The following DLEC1 variants were observed in gnomAD, a reference collection of about 807,000 sequenced individuals.
DLEC1 encodes DLEC1 cilia and flagella associated protein, also known as deleted in lung and esophageal cancer protein 1.
A neutral mutation model predicts 198.1 loss-of-function variants in DLEC1; 146 were observed. That is an observed-to-expected ratio of 0.74 (90% CI 0.64 to 0.85). The LOEUF (loss-of-function observed/expected upper bound fraction) is 0.85, where lower values mean the gene tolerates loss of function less well. Ranked by LOEUF, DLEC1 falls within the 40% of genes least tolerant of loss-of-function variation. DLEC1 has a pLI of 0.00. For missense variants in DLEC1, 2,233 were observed against 2,220.0 expected, an observed-to-expected ratio of 1.01 and a Z score of -0.12; for synonymous variants, 897 against 866.8, an observed-to-expected ratio of 1.03 and a Z score of -0.61.
intron 10 of DLEC1, among the ~76,000 whole-genome samples, chr3:38,092,424 C>T (rs569545004): frequency 1.3e-5 from 2 of 152,300 alleles, no homozygotes; most frequent in African/African-American, 2.4e-5. Flanking sequence ...CAAATCATTG[C>T]ATTTATGACA....
rs1700191926 is a variant in DLEC1, at chr3:38,116,789, G to C, written c.4079G>C (p.Ser1360Thr). The C allele has an allele frequency of 6.2e-7, 1 of 1,612,986 alleles. No individual in the cohort carries two copies. The highest frequency in any genetic ancestry group is 1.3e-5 in the African/African-American group (1 of 74,918). The change falls in exon 29 of 37, where the codon AGT becomes ACT. Residue 1360 changes from serine (S) to threonine (T), a missense_variant. Physicochemically the swap from Ser to Thr is moderately conservative, Grantham distance 58. Transcript: ENST00000308059. ...TGGTGACAGGTTGAGGGCAGCTCCA[G>C]TGCCAGCAATAGGGTGGCACAGAAG... ...ETDSSVEGSS[S>T]ASNRVAQKLI...
intron 16 of DLEC1, 82 bp downstream of exon 16, chr3:38,097,357 C>T: frequency 6.5e-7 from 1 of 1,536,954 alleles, no homozygotes; most frequent in Non-Finnish European, 8.8e-7. Flanking sequence ...GGGGCTTATG[C>T]AGGGCTCTTG....
chr3:38,063,488 A>G (rs374969309), intron 5 of DLEC1, among the ~76,000 whole-genome samples: 47 of 152,276 alleles, frequency 3.1e-4, no homozygotes, highest in African/African-American at 1.1e-3. Flanking sequence ...AGAAGAGAAG[A>G]GAGGAGGAGA....
intron 33 of DLEC1, among the ~76,000 whole-genome samples, chr3:38,118,554 G>A (rs1700303696): frequency 6.6e-6 from 1 of 152,220 alleles, no homozygotes; most frequent in Non-Finnish European, 1.5e-5. Context: ...TCTTGGGAAT[G>A]TCAGGACCTC....
rs757634743 is a variant in DLEC1 at position 38,062,643 on chromosome 3, A to C, written c.936A>C (p.Leu312=). ...MNHLRVPQRE[L]DRLLLARMES... ...ACTTACGTGTGCCACAGAGAGAGCT[A>C]GACAGACTTCTGCTTGCCAGAATGG... Residue 312 remains leucine (L), a synonymous_variant, in exon 5 of 37, where the codon CTA becomes CTC. Transcript: ENST00000308059. 1 of 1,614,198 alleles carries C rather than the reference A, an allele frequency of 6.2e-7. No homozygotes were observed. Among genetic ancestry groups the C allele is most frequent in the Non-Finnish European group, 8.5e-7 (1 of 1,180,036 alleles).
At chr3:38,049,153 T>C (rs1439498231) in intron 2 of DLEC1, among the ~76,000 whole-genome samples, 2 of 152,164 alleles carry the variant, frequency 1.3e-5, no homozygotes, top group African/African-American at 4.8e-5. Flanking sequence ...TCAATGACTT[T>C]CATTTTATTT....
Position 38,054,278 on chromosome 3 carries a change from C to T in DLEC1, c.563-5464C>T, listed in dbSNP as rs946109299. On this transcript the variant is annotated intron_variant, in intron 2 of 36. Transcript: ENST00000308059. Reference sequence around the variant, plus strand: ...TTGAAGTTTGTGTTGGTGGCAGCTGCGTGATCTGGAAAAGCTCACACTGAG... The same window carrying T: ...TTGAAGTTTGTGTTGGTGGCAGCTGTGTGATCTGGAAAAGCTCACACTGAG... 3.9e-5 allele frequency among the ~76,000 whole-genome samples: 6 copies of T among 152,150 alleles called. No homozygotes were observed. In the East Asian group the frequency reaches 5.8e-4, roughly 15 times the overall value.
intron 6 of DLEC1, among the ~76,000 whole-genome samples, chr3:38,065,023 T>C (rs559884734): frequency 9.9e-5 from 15 of 152,226 alleles, no homozygotes; most frequent in South Asian, 4.2e-4. Context: ...GCCGAGATCA[T>C]GCCACTGCAC....
intron 1 of DLEC1, 86 bp from the exon 2 acceptor site, chr3:38,045,457 C>T (rs1700839366): frequency 6.7e-7 from 1 of 1,497,670 alleles, no homozygotes; most frequent in Non-Finnish European, 8.9e-7. Context: ...CACTGGAAGC[C>T]CTGATCCTGG....
chr3:38,043,803 C>T (rs1282509032), intron 1 of DLEC1, among the ~76,000 whole-genome samples: 7 of 152,148 alleles, frequency 4.6e-5, no homozygotes, highest in Non-Finnish European at 1.5e-5. Flanking sequence ...AAGTGATTCT[C>T]CCGCCTCAGC....
intron 6 of DLEC1, among the ~76,000 whole-genome samples, chr3:38,076,041 T>C (rs1242259290): frequency 6.6e-6 from 1 of 152,208 alleles, no homozygotes; most frequent in Non-Finnish European, 1.5e-5. Context: ...CTTCCTAGTC[T>C]GTGACCGGCA....
chr3:38,085,294 G>A lies in DLEC1; in HGVS notation c.1282G>A (p.Gly428Arg), dbSNP rs780216252. 6 of 1,614,128 alleles carry A rather than the reference G, an allele frequency of 3.7e-6. No homozygotes were observed. The South Asian group carries it at 6.6e-5, about 18-fold the overall frequency. Residue 428 changes from glycine to arginine, a missense_variant, in exon 8 of 37, where the codon GGA becomes AGA. Physicochemically the swap from Gly to Arg is moderately radical, Grantham distance 125 (BLOSUM62 -2). Transcript: ENST00000308059. ...CACAGGGATGTTCCCAGGAAAAGGT[G>A]GAATGGTGGCTCCTGGAATGACCTG... ...LGLGMFPGKG[G>R]MVAPGMTCQY...
chr3:38,106,649 G>A (rs1033814457), intron 19 of DLEC1, among the ~76,000 whole-genome samples: 6 of 151,622 alleles, frequency 4.0e-5, no homozygotes, highest in East Asian at 1.9e-4. Context: ...CCAGCTACTC[G>A]GGAGGCTGAG....
chr3:38,053,051 C>T (rs1294540875), intron 2 of DLEC1, among the ~76,000 whole-genome samples: 1 of 152,218 alleles, frequency 6.6e-6, no homozygotes, highest in Non-Finnish European at 1.5e-5. Context: ...CTCGGCCTCT[C>T]GAGGTGCCGG....
chr3:38,058,335 C>A (rs558410122), intron 2 of DLEC1, among the ~76,000 whole-genome samples: 1 of 152,180 alleles, frequency 6.6e-6, no homozygotes, highest in South Asian at 2.1e-4. Context: ...TGTGACACCA[C>A]TTTCTGGTGC....
chr3:38,076,084 T>TCTA (rs1697601004), intron 6 of DLEC1, among the ~76,000 whole-genome samples: 2 of 152,106 alleles, frequency 1.3e-5, no homozygotes. Flanking sequence ...AAAACATGTC[T>TCTA]CCTTTGTCTC....
At chr3:38,083,659 A>C (rs1040152926) in intron 6 of DLEC1, among the ~76,000 whole-genome samples, 3 of 152,320 alleles carry the variant, frequency 2.0e-5, no homozygotes, top group Non-Finnish European at 2.9e-5. Flanking sequence ...CAGTTACTTC[A>C]GGCCATCTGG....
intron 1 of DLEC1, among the ~76,000 whole-genome samples, chr3:38,040,560 C>A (rs764939335): frequency 6.6e-5 from 10 of 152,200 alleles, no homozygotes; most frequent in African/African-American, 9.7e-5. Context: ...CAGCCAGAGC[C>A]CCTGGCTGGG....
intron 2 of DLEC1, among the ~76,000 whole-genome samples, chr3:38,056,745 A>G (rs1696392363): frequency 6.6e-6 from 1 of 152,270 alleles, no homozygotes; most frequent in Admixed American, 6.5e-5. Context: ...AAGTGAAAAC[A>G]AAATCCACAA....
Sources: gnomAD v4.1 joint callset for allele counts (sites outside exome capture counted in the v4.1 genomes callset) on GRCh38, gnomAD v4.1.1 for gene constraint, MANE v1.5 for transcripts, NCBI Gene and HGNC (gene_info 2026-07-23, HGNC 2026-07-21) for gene names.